The following MECOM variants were observed in gnomAD, a reference collection of about 807,000 sequenced individuals.
MECOM encodes histone-lysine N-methyltransferase MECOM.
MECOM carries 13 observed loss-of-function variants against 116.3 expected under a neutral mutation model. That is an observed-to-expected ratio of 0.11 (90% CI 0.07 to 0.18). MECOM has a LOEUF of 0.18. Among genes scored for constraint, MECOM ranks in the 10% least tolerant of loss-of-function variants. The pLI, the probability that MECOM is intolerant of heterozygous loss-of-function variation, is 1.00. For synonymous variants in MECOM, 528 were observed against 535.2 expected (o/e 0.99, Z 0.19); for missense variants, 1,299 against 1,509.0 (o/e 0.86, Z 2.31).
intron 1 of MECOM, among the ~76,000 whole-genome samples, chr3:169,545,588 C>G (rs889496474): frequency 6.6e-6 from 1 of 152,186 alleles, no homozygotes; most frequent in Non-Finnish European, 1.5e-5. Flanking sequence ...GTTAGAACCT[C>G]CTTAGGCTCT....
intron 1 of MECOM, among the ~76,000 whole-genome samples, chr3:169,488,053 C>G (rs1183348857): frequency 6.6e-6 from 1 of 151,810 alleles, no homozygotes; most frequent in Non-Finnish European, 1.5e-5. Flanking sequence ...CTTCCAAAAG[C>G]ATGAAGCAAA....
intron 2 of MECOM, among the ~76,000 whole-genome samples, chr3:169,201,401 A>T (rs1305109029): frequency 6.6e-6 from 1 of 152,052 alleles, no homozygotes; most frequent in African/African-American, 2.4e-5. Context: ...TGAAATTTAA[A>T]ATTATGGTTA....
intron 2 of MECOM, among the ~76,000 whole-genome samples, chr3:169,342,747 A>G (rs1321829424): frequency 6.6e-6 from 1 of 152,150 alleles, no homozygotes; most frequent in Admixed American, 6.6e-5. Flanking sequence ...TCTTCCCAAT[A>G]TGGTTTGCAC....
chr3:169,500,645 C>T (rs1242380403), intron 1 of MECOM, among the ~76,000 whole-genome samples: 1 of 151,848 alleles, frequency 6.6e-6, no homozygotes, highest in Non-Finnish European at 1.5e-5. Context: ...AAAATTTTAA[C>T]ATTTTCCACA....
At chr3:169,610,679 A>G (rs2109817256) in intron 1 of MECOM, among the ~76,000 whole-genome samples, 1 of 152,332 alleles carries the variant, frequency 6.6e-6, no homozygotes, top group Non-Finnish European at 1.5e-5. Flanking sequence ...GCTTCCCTAC[A>G]TTACTCCAGA....
At chr3:169,644,710 A>G (rs978418107) in intron 1 of MECOM, among the ~76,000 whole-genome samples, 77 of 152,288 alleles carry the variant, frequency 5.1e-4, no homozygotes, top group Non-Finnish European at 1.6e-4. Flanking sequence ...AAATTATAAA[A>G]CTCAAGTGAT....
chr3:169,172,188 T>TA (rs1405025507), intron 2 of MECOM, among the ~76,000 whole-genome samples: 4 of 152,128 alleles, frequency 2.6e-5, no homozygotes, highest in African/African-American at 9.7e-5. Flanking sequence ...AATTCATGTG[T>TA]AAGAACTGGA....
chr3:169,389,973 C>T (rs1176691703), intron 1 of MECOM, among the ~76,000 whole-genome samples: 1 of 152,090 alleles, frequency 6.6e-6, no homozygotes, highest in African/African-American at 2.4e-5. Flanking sequence ...TTTACAACTC[C>T]CATATGGGTC....
At chr3:169,654,002 G>A (rs941843019) in intron 1 of MECOM, among the ~76,000 whole-genome samples, 3 of 152,120 alleles carry the variant, frequency 2.0e-5, no homozygotes, top group South Asian at 2.1e-4. Context: ...TGAGAATGAG[G>A]TGATAACTCA....
At chr3:169,662,138 A>G (rs1776360582) in intron 1 of MECOM, among the ~76,000 whole-genome samples, 1 of 152,180 alleles carries the variant, frequency 6.6e-6, no homozygotes, top group South Asian at 2.1e-4. Flanking sequence ...CGAGTCATCC[A>G]ACACTTTTGC....
At chr3:169,199,787 A>G (rs1748917189) in intron 2 of MECOM, among the ~76,000 whole-genome samples, 1 of 152,014 alleles carries the variant, frequency 6.6e-6, no homozygotes, top group Non-Finnish European at 1.5e-5. Flanking sequence ...ATAAGTTGAG[A>G]CCATAGTTTC....
intron 2 of MECOM, among the ~76,000 whole-genome samples, chr3:169,197,615 T>A (rs1281373233): frequency 1.3e-5 from 2 of 152,000 alleles, no homozygotes; most frequent in African/African-American, 4.8e-5. Context: ...AACTTAAATT[T>A]ACATCATAGA....
intron 2 of MECOM, chr3:169,146,255 T>C: frequency 2.5e-6 from 3 of 1,188,826 alleles, no homozygotes; most frequent in Non-Finnish European, 3.2e-6. Context: ...AATGTGACTT[T>C]CTCGCGAAGC....
chr3:169,262,014 A>G (rs1757628561), intron 2 of MECOM, among the ~76,000 whole-genome samples: 1 of 152,198 alleles, frequency 6.6e-6, no homozygotes, highest in Admixed American at 6.5e-5. Flanking sequence ...AAGTTCTGTA[A>G]TTTGCTCAAA....
chr3:169,372,363 A>G (rs775263992), intron 2 of MECOM, among the ~76,000 whole-genome samples: 1 of 152,090 alleles, frequency 6.6e-6, no homozygotes, highest in Non-Finnish European at 1.5e-5. Flanking sequence ...CCACAAGGCA[A>G]TATTTTAAAG....
chr3:169,334,973 G>A (rs921127480), intron 2 of MECOM, among the ~76,000 whole-genome samples: 2 of 152,084 alleles, frequency 1.3e-5, no homozygotes, highest in African/African-American at 4.8e-5. Context: ...TTCAAAAGAG[G>A]AAAAATAGTG....
chr3:169,095,004 C>G (rs1721024409), intron 13 of MECOM, 72 bp downstream of exon 13: 1 of 1,266,110 alleles, frequency 7.9e-7, no homozygotes, highest in Non-Finnish European at 1.0e-6. Context: ...GAAGAAAGAT[C>G]ACATTATCTT....
intron 2 of MECOM, among the ~76,000 whole-genome samples, chr3:169,293,244 A>G (rs1037427143): frequency 6.6e-6 from 1 of 151,970 alleles, no homozygotes; most frequent in Non-Finnish European, 1.5e-5. Flanking sequence ...ACTCACCTTC[A>G]TGGTTTCACG....
chr3:169,498,306 G>A (rs761756484), intron 1 of MECOM, among the ~76,000 whole-genome samples: 2 of 152,160 alleles, frequency 1.3e-5, no homozygotes, highest in African/African-American at 2.4e-5. Context: ...AAATGGCAGT[G>A]TAAGTACATG....
Sources: gnomAD v4.1 joint callset for allele counts (sites outside exome capture counted in the v4.1 genomes callset) on GRCh38, gnomAD v4.1.1 for gene constraint, MANE v1.5 for transcripts, NCBI Gene and HGNC (gene_info 2026-07-23, HGNC 2026-07-21) for gene names.